Variants in MAST4 observed in about 807,000 individuals in gnomAD.
MAST4 encodes microtubule-associated serine/threonine-protein kinase 4.
Under a neutral mutation model 162.7 loss-of-function variants are expected in MAST4, and 89 were observed. That is an observed-to-expected ratio of 0.55 (90% CI 0.46 to 0.65). MAST4 has a LOEUF of 0.65. MAST4 is among the 30% of genes least tolerant of loss of function. The probability of loss-of-function intolerance (pLI) is 0.00; values close to 1 mark genes in which losing one functional copy is unlikely to be tolerated. For missense variants in MAST4, 3,153 were observed against 3,374.0 expected, an observed-to-expected ratio of 0.93 and a Z score of 1.62; for synonymous variants, 1,479 against 1,361.1, an observed-to-expected ratio of 1.09 and a Z score of -1.91.
At chr5:67,005,011 C>A in intron 4 of MAST4, 1 of 774,248 alleles carries the variant, frequency 1.3e-6, no homozygotes. Context: ...TGTCTGACCC[C>A]AATTTTTGGA....
intron 2 of MAST4, among the ~76,000 whole-genome samples, chr5:66,771,871 T>C (rs966117406): frequency 2.0e-5 from 3 of 152,104 alleles, no homozygotes; most frequent in African/African-American, 7.2e-5. Context: ...TCCCTGAAAC[T>C]CTCTTTTCCT....
At chr5:67,007,741 T>C (rs1379446548) in intron 4 of MAST4, among the ~76,000 whole-genome samples, 1 of 152,214 alleles carries the variant, frequency 6.6e-6, no homozygotes, top group African/African-American at 2.4e-5. Flanking sequence ...TGGAAACTTT[T>C]GGTTTGCTAC....
chr5:66,660,040 C>T (rs1213311329), intron 1 of MAST4, among the ~76,000 whole-genome samples: 1 of 151,230 alleles, frequency 6.6e-6, no homozygotes, highest in Non-Finnish European at 1.5e-5. Flanking sequence ...TTCTGGGTGT[C>T]TTAGGATGAG....
rs78592623 is a variant in MAST4 at position 67,167,320 on chromosome 5, G to A, written c.*269G>A. The A allele has an allele frequency of 4.8e-3, 1,500 of 314,960 alleles. 26 individuals carry two copies. Among genetic ancestry groups the A allele is most frequent in the African/African-American group, 0.03 (1,389 of 46,242 alleles). 19.5% of individuals were successfully genotyped at this position (314,960 alleles called of 1,614,324 possible). ...TACCTTTACAGTTGAGGGTTGTTGA[G>A]GAAAATGATTTTCTTTGTAAATATA... On this transcript the variant is annotated 3_prime_UTR_variant, in exon 29 of 29. Transcript: ENST00000403625.
At position 66,874,259 on chromosome 5, in the gene MAST4, A is replaced by G. The variant is rs549075901; in HGVS notation, c.643-25692A>G. On this transcript the variant is annotated intron_variant, in intron 3 of 28. Transcript: ENST00000403625. Reference sequence around the variant, plus strand: ...ATGAAGCAAAACGGGCAATAGGAATAGTAGTTCAAAGACCATGGAGCAGTT... The same window carrying G: ...ATGAAGCAAAACGGGCAATAGGAATGGTAGTTCAAAGACCATGGAGCAGTT... Among the ~76,000 whole-genome samples the G allele has an allele frequency of 6.6e-5, 10 of 152,346 alleles. No homozygotes were observed. The South Asian group carries it at 1.4e-3, about 22-fold the overall frequency.
At chr5:66,663,679 G>C (rs989748046) in intron 1 of MAST4, among the ~76,000 whole-genome samples, 1 of 152,190 alleles carries the variant, frequency 6.6e-6, no homozygotes, top group African/African-American at 2.4e-5. Context: ...CTGGAATAGA[G>C]TGGGCAAGGG....
chr5:66,673,794 AGATTTTTTTTG>A (rs1747781279), intron 1 of MAST4, among the ~76,000 whole-genome samples: 1 of 152,148 alleles, frequency 6.6e-6, no homozygotes, highest in Non-Finnish European at 1.5e-5. Context: ...TGCCTAGGCT[AGATTTTTTTTG>A]AAAGATCTCT....
At chr5:66,609,642 C>T (rs537172954) in intron 1 of MAST4, among the ~76,000 whole-genome samples, 6 of 151,496 alleles carry the variant, frequency 4.0e-5, no homozygotes, top group African/African-American at 1.5e-4. Context: ...CCACCCTAGC[C>T]TCCCAAAGTG....
intron 1 of MAST4, among the ~76,000 whole-genome samples, chr5:66,690,896 TGGGGCATTTTGA>T (rs2149495415): frequency 6.6e-6 from 1 of 152,322 alleles, no homozygotes; most frequent in South Asian, 2.1e-4. Flanking sequence ...AGGTGTCCTG[TGGGGCATTTTGA>T]AGTAGAATGT....
chr5:67,048,579 A>G (rs1399276771), intron 4 of MAST4, among the ~76,000 whole-genome samples: 3 of 152,180 alleles, frequency 2.0e-5, no homozygotes, highest in Non-Finnish European at 4.4e-5. Flanking sequence ...TTATGAAACA[A>G]ATTTGCTCAT....
chr5:66,801,589 C>CTT (rs1755925610), intron 3 of MAST4, among the ~76,000 whole-genome samples: 1 of 152,282 alleles, frequency 6.6e-6, no homozygotes, highest in South Asian at 2.1e-4. Context: ...ACAAGATCTG[C>CTT]TTTTTAAATC....
At chr5:66,979,449 A>T (rs1018829058) in intron 4 of MAST4, among the ~76,000 whole-genome samples, 1 of 152,198 alleles carries the variant, frequency 6.6e-6, no homozygotes, top group Non-Finnish European at 1.5e-5. Flanking sequence ...TCTTGAGTTC[A>T]GTTAACTAGG....
chr5:66,975,687 G>A (rs1191670655), intron 4 of MAST4, among the ~76,000 whole-genome samples: 1 of 152,180 alleles, frequency 6.6e-6, no homozygotes, highest in Non-Finnish European at 1.5e-5. Context: ...GTCCAGGGAT[G>A]TATTCCCTGT....
At chr5:66,607,480 CT>C (rs1199368946) in intron 1 of MAST4, among the ~76,000 whole-genome samples, 1 of 152,156 alleles carries the variant, frequency 6.6e-6, no homozygotes, top group Non-Finnish European at 1.5e-5. Flanking sequence ...TAAAATTATA[CT>C]TGTAGCAGTT....
At chr5:67,019,756 A>T (rs1753747773) in intron 4 of MAST4, among the ~76,000 whole-genome samples, 1 of 152,228 alleles carries the variant, frequency 6.6e-6, no homozygotes, top group Non-Finnish European at 1.5e-5. Context: ...GGACTAAAAT[A>T]TATGGACATC....
intron 2 of MAST4, among the ~76,000 whole-genome samples, chr5:66,762,706 C>T (rs1480017899): frequency 2.0e-5 from 3 of 152,254 alleles, no homozygotes; most frequent in African/African-American, 7.2e-5. Flanking sequence ...GTTTTTCCAT[C>T]AGAGGCCCAT....
intron 4 of MAST4, among the ~76,000 whole-genome samples, chr5:66,946,282 C>T (rs1056495022): frequency 5.9e-5 from 9 of 152,052 alleles, no homozygotes; most frequent in African/African-American, 1.9e-4. Context: ...CTTTTTGTTG[C>T]TTTGGTCTCT....
intron 3 of MAST4, among the ~76,000 whole-genome samples, chr5:66,878,095 G>A (rs891073907): frequency 6.6e-6 from 1 of 152,208 alleles, no homozygotes; most frequent in Non-Finnish European, 1.5e-5. Context: ...GGATAAAGCA[G>A]TTTGAGCTGC....
Position 67,167,046 on chromosome 5 carries a change from T to A in MAST4, c.7867T>A (p.Leu2623Met). ...GCGTAGCAGCCCTCACAAAAAGGCC[T>A]TGTAACGGGGAGGGCCCAGGGGCAG... ...SLRSSPHKKA[L>M] is the part of the protein sequence containing the mutation. Residue 2623 changes from leucine to methionine, a missense_variant, in exon 29 of 29, where the codon TTG becomes ATG. Leu to Met is a conservative substitution (Grantham distance 15). Coordinates refer to ENST00000403625, the MANE Select transcript of MAST4 (RefSeq NM_001164664.2). 1 of 1,578,578 alleles carries A rather than the reference T, an allele frequency of 6.3e-7. No individual in the cohort carries two copies. Among genetic ancestry groups the A allele is most frequent in the Non-Finnish European group, 8.6e-7 (1 of 1,161,744 alleles).
Sources: gnomAD v4.1 joint callset for allele counts (sites outside exome capture counted in the v4.1 genomes callset) on GRCh38, gnomAD v4.1.1 for gene constraint, MANE v1.5 for transcripts, NCBI Gene and HGNC (gene_info 2026-07-23, HGNC 2026-07-21) for gene names.